IRAK1: variants seen among roughly 807,000 people sequenced by gnomAD.
The protein encoded by IRAK1 is interleukin 1 receptor associated kinase 1.
Under a neutral mutation model 49.8 loss-of-function variants are expected in IRAK1, and 9 were observed. That is an observed-to-expected ratio of 0.18 (90% CI 0.11 to 0.32). The LOEUF (loss-of-function observed/expected upper bound fraction) is 0.32, where lower values mean the gene tolerates loss of function less well. Ranked by LOEUF, IRAK1 falls within the 10% of genes least tolerant of loss-of-function variation. The pLI is 1.00. For synonymous variants in IRAK1, 282 were observed against 270.8 expected (o/e 1.04, Z -0.41); for missense variants, 418 against 600.5 (o/e 0.70, Z 3.18).
Position 154,011,661 on chromosome X carries a change from C to G in IRAK1, c.*198G>C, listed in dbSNP as rs1557127469. The stretch of plus-strand genomic sequence containing the variant: ...TGCCAGCCTTCCTTGCCCCCAGATG[C>G]TGGCATGGAGGCAGGGTTCCACTCT... On this transcript the variant is annotated 3_prime_UTR_variant, in exon 14 of 14. Transcript: ENST00000369980. 2.0e-6 allele frequency: 1 copy of G among 502,487 alleles called. No individual in the cohort carries two copies. The highest frequency in any genetic ancestry group is 3.6e-6 in the Non-Finnish European group (1 of 277,343). 41.4% of individuals were successfully genotyped at this position (502,487 alleles called of 1,213,427 possible). A position where few individuals can be genotyped will look rare whatever the true frequency, so the allele number is the denominator to read the frequency against.
At chrX:154,016,697 C>T (rs1317890030) in intron 8 of IRAK1, 53 bp from the exon 9 acceptor site, 20 of 1,042,218 alleles carry the variant, frequency 1.9e-5, no homozygotes, top group Middle Eastern at 2.9e-4. Context: ...TACACCTGCC[C>T]GGCTTAGATA....
chrX:154,017,183 T>C, intron 7 of IRAK1, 116 bp from the exon 8 acceptor site: 1 of 506,674 alleles, frequency 2.0e-6, no homozygotes, highest in Non-Finnish European at 3.5e-6. Flanking sequence ...TAGGCCTCAG[T>C]TTCCCCCTTC....
chrX:154,014,453 C>T (rs941941575), intron 10 of IRAK1, 175 bp from the exon 11 acceptor site: 13 of 469,191 alleles, frequency 2.8e-5, no homozygotes, highest in African/African-American at 1.8e-4. Context: ...GTGATCCTCC[C>T]GCCTCAGCCT....
At chrX:154,018,152 G>A in intron 6 of IRAK1, 32 bp from the exon 7 acceptor site, 1 of 1,139,243 alleles carries the variant, frequency 8.8e-7, no homozygotes, top group Non-Finnish European at 1.2e-6. Flanking sequence ...TTTCCATCAG[G>A]CCAGACTGGG....
chrX:154,012,299 G>A (rs3027903), intron 13 of IRAK1, among the ~76,000 whole-genome samples: 1,886 of 112,720 alleles, frequency 0.017, 42 homozygotes, highest in African/African-American at 0.057. Flanking sequence ...ACAGAGTGGG[G>A]CAGGCACCCT....
rs1306839426 is a variant in IRAK1, at chrX:154,019,788, C to T, written c.25G>A (p.Glu9Lys). The T allele has an allele frequency of 6.7e-6, 6 of 891,926 alleles. No homozygotes were observed. The highest frequency in any genetic ancestry group is 8.2e-6 in the Non-Finnish European group (6 of 727,553). The allele number at this position is 891,926 out of a possible 1,213,427, so 73.5% of individuals were successfully genotyped here. The change falls in exon 1 of 14, where the codon GAG (glutamate) becomes AAG (lysine). Residue 9 changes from glutamate (E) to lysine (K), a missense_variant. Transcript: ENST00000369980. Reference protein sequence around the residue: MAGGPGPGEPAAPGAQHFL... With the variant: MAGGPGPGKPAAPGAQHFL... ...TGCTGGGCGCCGGGGGCTGCGGGCT[C>T]CCCCGGGCCCGGCCCCCCGGCCATG...
In IRAK1 at chrX:154,017,033, C is replaced by A. The variant is rs868926687; in HGVS notation, c.944G>T (p.Arg315Leu). The A allele has an allele frequency of 8.3e-7, 1 of 1,210,118 alleles. No individual in the cohort carries two copies. Residue 315 changes from arginine to leucine, a missense_variant, in exon 8 of 14, where the codon CGA becomes CTA. Arg to Leu is a moderately radical substitution (Grantham distance 102). Coordinates refer to ENST00000369980, the MANE Select transcript of IRAK1 (RefSeq NM_001569.4). Reference protein sequence around the residue: ...QACPPLSWPQRLDILLGTARA... With the variant: ...QACPPLSWPQLLDILLGTARA... Reference sequence around the variant, plus strand: ...GGCTGTACCCAGAAGGATGTCCAGTCGCTGAGGCCAGGAGAGAGGTGGGCA... The same window carrying A: ...GGCTGTACCCAGAAGGATGTCCAGTAGCTGAGGCCAGGAGAGAGGTGGGCA...
chrX:154,015,355 A>G (rs2065731704), intron 10 of IRAK1, among the ~76,000 whole-genome samples: 1 of 112,589 alleles, frequency 8.9e-6, no homozygotes, highest in East Asian at 2.8e-4. Flanking sequence ...GAAAGGAAGG[A>G]GGGCTCAAGC....
chrX:154,018,526 G>T, intron 5 of IRAK1, 73 bp downstream of exon 5: 1 of 968,001 alleles, frequency 1.0e-6, no homozygotes, highest in Non-Finnish European at 1.5e-6. Context: ...GGGGAAGCGA[G>T]GGGGAAAGGC....
chrX:154,018,948 C>T (rs782077857), intron 4 of IRAK1, 27 bp downstream of exon 4: 1 of 1,111,725 alleles, frequency 9.0e-7, no homozygotes, highest in South Asian at 2.0e-5. Context: ...TGTCTCGAAT[C>T]TTCCCTGGGG....
intron 10 of IRAK1, 91 bp from the exon 11 acceptor site, chrX:154,014,369 G>GAA: frequency 2.9e-6 from 1 of 350,843 alleles, no homozygotes; most frequent in East Asian, 7.0e-5. Flanking sequence ...TATGGGTTTT[G>GAA]ATAAAAAAAA....
In IRAK1 at chrX:154,011,204, C is replaced by A; in HGVS notation, c.*655G>T. ...AGCATAAATGATCCTCCTACTTCAG[C>A]CTCCCCAGCAGCTGGGACCACAGGC... On this transcript the variant is annotated 3_prime_UTR_variant, in exon 14 of 14. Transcript: ENST00000369980. 1 of 303,758 alleles carries A rather than the reference C, an allele frequency of 3.3e-6. No homozygotes were observed. The allele number at this position is 303,758 out of a possible 1,213,427, so 25.0% of individuals were successfully genotyped here. A position where few individuals can be genotyped will look rare whatever the true frequency, so the allele number is the denominator to read the frequency against.
intron 9 of IRAK1, 103 bp from the exon 10 acceptor site, chrX:154,016,200 G>C (rs781804503): frequency 2.7e-6 from 2 of 741,372 alleles, no homozygotes; most frequent in African/African-American, 4.2e-5. Context: ...CAAAGGCAGA[G>C]CCAGATGTTA....
At chrX:154,014,624 C>T (rs2065726231) in intron 10 of IRAK1, among the ~76,000 whole-genome samples, 1 of 111,422 alleles carries the variant, frequency 9.0e-6, no homozygotes, top group Admixed American at 9.5e-5. Context: ...GGCTCGTGAT[C>T]CTCCCACCTC....
chrX:154,011,611 A>C lies in IRAK1; in HGVS notation c.*248T>G, dbSNP rs1557127454. ...TCTGTGCAGCCAGCAGCCTCCCAAC[A>C]TGCGCCAGCCTCCTCACTGGATGAT... is the stretch of plus-strand genomic sequence containing the variant. On this transcript the variant is annotated 3_prime_UTR_variant, in exon 14 of 14. Transcript: ENST00000369980. The C allele has an allele frequency of 6.6e-6, 3 of 456,558 alleles. No homozygotes were observed. Among genetic ancestry groups the C allele is most frequent in the Non-Finnish European group, 1.2e-5 (3 of 253,846 alleles). 37.6% of individuals were successfully genotyped at this position (456,558 alleles called of 1,213,427 possible).
Position 154,019,506 on chromosome X carries a change from T to C in IRAK1, c.229A>G (p.Asn77Asp). The change falls in exon 2 of 14, where the codon AAC (asparagine) becomes GAC (aspartate). Residue 77 changes from asparagine (N) to aspartate (D), a missense_variant. Physicochemically the swap from Asn to Asp is conservative, Grantham distance 23. Coordinates refer to ENST00000369980, the MANE Select transcript of IRAK1 (RefSeq NM_001569.4). The stretch of plus-strand genomic sequence containing the variant: ...TGCACGAGGTCGGCCACACGGGCGT[T>C]GCGGTTGATCCAGGGCCACAGGACG... ...ASVLWPWINR[N>D]ARVADLVHIL... 1 of 1,184,999 alleles carries C rather than the reference T, an allele frequency of 8.4e-7. No individual in the cohort carries two copies. The highest frequency in any genetic ancestry group is 1.8e-5 in the African/African-American group (1 of 56,651).
intron 7 of IRAK1, 43 bp downstream of exon 7, chrX:154,017,963 G>T: frequency 1.0e-6 from 1 of 993,005 alleles, no homozygotes; most frequent in Non-Finnish European, 1.4e-6. Context: ...GGTGTCAGGA[G>T]TGCTTTGGGT....
Position 154,018,272 on chromosome X carries a change from G to GCTC in IRAK1, c.794+16_794+18dup. ...CTGAAGCCCCACGGGACCTGGTGTG[G>GCTC]CTCCCCCTCTGGCCTCACCTGGACA... is the stretch of plus-strand genomic sequence containing the variant. On this transcript the variant is annotated intron_variant, in intron 6 of 13. Coordinates refer to ENST00000369980, the MANE Select transcript of IRAK1 (RefSeq NM_001569.4). 1 of 1,145,329 alleles carries GCTC rather than the reference G, an allele frequency of 8.7e-7. No homozygotes were observed. The highest frequency in any genetic ancestry group is 1.9e-5 in the South Asian group (1 of 52,422). The allele number at this position is 1,145,329 out of a possible 1,213,427, so 94.4% of individuals were successfully genotyped here.
rs782180955 is a variant in IRAK1 at position 154,018,588 on chromosome X, G to A, written c.729+11C>T. ...GGCCTTCCAGGGTCCCTGCCAGGGTGCGACACTCACCTCCTTCAGCCTCTT... is the reference window on the plus strand; with the variant it reads ...GGCCTTCCAGGGTCCCTGCCAGGGTACGACACTCACCTCCTTCAGCCTCTT... On this transcript the variant is annotated intron_variant, in intron 5 of 13. Coordinates refer to ENST00000369980, the MANE Select transcript of IRAK1 (RefSeq NM_001569.4). 9.2e-6 allele frequency: 11 copies of A among 1,189,665 alleles called. No homozygotes were observed. The highest frequency in any genetic ancestry group is 1.3e-5 in the Non-Finnish European group (11 of 877,860).
Sources: gnomAD v4.1 joint callset for allele counts (sites outside exome capture counted in the v4.1 genomes callset) on GRCh38, gnomAD v4.1.1 for gene constraint, MANE v1.5 for transcripts, NCBI Gene and HGNC (gene_info 2026-07-23, HGNC 2026-07-21) for gene names.